The following EPHA3 variants were observed in gnomAD, a reference collection of about 807,000 sequenced individuals.
EPHA3 encodes the protein EPH receptor A3.
Under a neutral mutation model 107.1 loss-of-function variants are expected in EPHA3, and 42 were observed. The observed-to-expected ratio is 0.39, with a 90% CI of 0.31 to 0.51. The LOEUF (loss-of-function observed/expected upper bound fraction) is 0.51, where lower values mean the gene tolerates loss of function less well. EPHA3 is among the 20% of genes least tolerant of loss of function. The pLI, the probability that EPHA3 is intolerant of heterozygous loss-of-function variation, is 0.78. For synonymous variants in EPHA3, 461 were observed against 424.8 expected, an observed-to-expected ratio of 1.09 and a Z score of -1.05; for missense variants, 1,183 against 1,211.2, an observed-to-expected ratio of 0.98 and a Z score of 0.35.
chr3:89,325,284 C>T (rs750025722), intron 3 of EPHA3, among the ~76,000 whole-genome samples: 1 of 152,106 alleles, frequency 6.6e-6, no homozygotes, highest in Non-Finnish European at 1.5e-5. Flanking sequence ...CTTTCTATGT[C>T]CATAATCACT....
At chr3:89,431,093 G>T (rs1709557748) in intron 12 of EPHA3, 57 bp from the exon 13 acceptor site, 1 of 1,547,752 alleles carries the variant, frequency 6.5e-7, no homozygotes. Context: ...AACCAATAAA[G>T]ATATATCTTT....
intron 2 of EPHA3, among the ~76,000 whole-genome samples, chr3:89,180,831 G>A (rs1173060596): frequency 2.0e-5 from 3 of 151,942 alleles, no homozygotes; most frequent in East Asian, 3.9e-4. Flanking sequence ...AAGTGCATAT[G>A]GGACTACTCT....
intron 1 of EPHA3, among the ~76,000 whole-genome samples, chr3:89,115,660 T>G (rs942864910): frequency 6.6e-6 from 1 of 152,204 alleles, no homozygotes; most frequent in Non-Finnish European, 1.5e-5. Flanking sequence ...AATAGATTTT[T>G]CCCTTACATT....
At position 89,395,825 on chromosome 3, in the gene EPHA3, C is replaced by T. The variant is rs1708838816; in HGVS notation, c.1307-12C>T. On this transcript the variant is annotated splice_polypyrimidine_tract_variant and intron_variant, in intron 5 of 16. Coordinates refer to ENST00000336596, the MANE Select transcript of EPHA3 (RefSeq NM_005233.6). ...CTTCCTTCCACCTTCCCCTCCCATC[C>T]TCTCTTTACAGCTCCATCACCTGTC... The T allele has an allele frequency of 6.2e-7, 1 of 1,612,760 alleles. No homozygotes were observed. The highest frequency in any genetic ancestry group is 1.3e-5 in the African/African-American group (1 of 74,920).
chr3:89,211,891 T>C (rs538760271), intron 3 of EPHA3, among the ~76,000 whole-genome samples: 46 of 151,578 alleles, frequency 3.0e-4, no homozygotes, highest in African/African-American at 9.2e-4. Context: ...TAGTAAATGG[T>C]AAATTTTTCT....
intron 3 of EPHA3, among the ~76,000 whole-genome samples, chr3:89,258,385 G>T (rs1182018537): frequency 1.3e-5 from 2 of 152,110 alleles, no homozygotes; most frequent in Non-Finnish European, 2.9e-5. Flanking sequence ...TATACTAGAA[G>T]ACATTGTATC....
At chr3:89,124,201 A>G (rs1704039254) in intron 1 of EPHA3, among the ~76,000 whole-genome samples, 1 of 152,188 alleles carries the variant, frequency 6.6e-6, no homozygotes, top group Admixed American at 6.5e-5. Flanking sequence ...ATGTTTAGAG[A>G]GGGGACAGCA....
At chr3:89,412,015 A>G (rs1044799040) in intron 9 of EPHA3, among the ~76,000 whole-genome samples, 2 of 152,040 alleles carry the variant, frequency 1.3e-5, no homozygotes, top group African/African-American at 2.4e-5. Context: ...ATTCTGTGCT[A>G]TGAATGTTAT....
At chr3:89,396,798 T>C (rs1490536894) in intron 6 of EPHA3, among the ~76,000 whole-genome samples, 2 of 152,040 alleles carry the variant, frequency 1.3e-5, no homozygotes, top group African/African-American at 4.8e-5. Flanking sequence ...TGTGCATTTA[T>C]ATAGCAGTTT....
intron 5 of EPHA3, among the ~76,000 whole-genome samples, chr3:89,365,931 A>T (rs976451779): frequency 7.3e-5 from 11 of 150,700 alleles, no homozygotes; most frequent in African/African-American, 2.7e-4. Flanking sequence ...TTGGGATGGG[A>T]TGGTTTAGCA....
intron 3 of EPHA3, among the ~76,000 whole-genome samples, chr3:89,298,204 G>T (rs1465854316): frequency 6.6e-6 from 1 of 152,092 alleles, no homozygotes; most frequent in Non-Finnish European, 1.5e-5. Context: ...AGGAGATTTG[G>T]TCACACATGG....
chr3:89,168,671 T>C (rs1705135215), intron 2 of EPHA3, among the ~76,000 whole-genome samples: 1 of 152,090 alleles, frequency 6.6e-6, no homozygotes, highest in Non-Finnish European at 1.5e-5. Context: ...ACAATGCTTC[T>C]TGAAATAGAG....
intron 3 of EPHA3, among the ~76,000 whole-genome samples, chr3:89,248,452 G>T (rs1294582442): frequency 6.6e-6 from 1 of 152,146 alleles, no homozygotes; most frequent in Non-Finnish European, 1.5e-5. Context: ...TAAGTGCCCA[G>T]TTGCCAGAAC....
intron 5 of EPHA3, among the ~76,000 whole-genome samples, chr3:89,372,726 C>T (rs1394890490): frequency 6.6e-6 from 1 of 151,788 alleles, no homozygotes; most frequent in Non-Finnish European, 1.5e-5. Flanking sequence ...TAGTCTCTGT[C>T]TCCTACAGAC....
At chr3:89,312,620 A>T (rs988087574) in intron 3 of EPHA3, among the ~76,000 whole-genome samples, 3 of 151,798 alleles carry the variant, frequency 2.0e-5, no homozygotes, top group African/African-American at 7.3e-5. Context: ...ATACATGTGC[A>T]GGTTTGTTAC....
chr3:89,257,142 C>A (rs1488450608), intron 3 of EPHA3, among the ~76,000 whole-genome samples: 1 of 152,184 alleles, frequency 6.6e-6, no homozygotes, highest in Non-Finnish European at 1.5e-5. Context: ...TTTGAACTAT[C>A]GATCCTTCTC....
At chr3:89,139,769 T>C (rs1238922990) in intron 2 of EPHA3, among the ~76,000 whole-genome samples, 1 of 151,688 alleles carries the variant, frequency 6.6e-6, no homozygotes, top group Non-Finnish European at 1.5e-5. Flanking sequence ...ACCTTCTGGG[T>C]CTGGGTTCGG....
chr3:89,151,110 G>T (rs1704681619), intron 2 of EPHA3, among the ~76,000 whole-genome samples: 1 of 151,942 alleles, frequency 6.6e-6, no homozygotes, highest in South Asian at 2.1e-4. Context: ...AAATTATACA[G>T]GAAAAGGAAC....
chr3:89,402,139 T>C (rs1708975978), intron 7 of EPHA3, among the ~76,000 whole-genome samples: 2 of 152,184 alleles, frequency 1.3e-5, no homozygotes. Context: ...CAATATATTT[T>C]AAAATTGTAA....
Sources: gnomAD v4.1 joint callset for allele counts (sites outside exome capture counted in the v4.1 genomes callset) on GRCh38, gnomAD v4.1.1 for gene constraint, MANE v1.5 for transcripts, NCBI Gene and HGNC (gene_info 2026-07-23, HGNC 2026-07-21) for gene names.